The following PRH1 variants were observed in gnomAD, a reference collection of about 807,000 sequenced individuals.
PRH1 encodes salivary acidic proline-rich phosphoprotein 1/2.
A neutral mutation model predicts 7.9 loss-of-function variants in PRH1; 7 were observed. That is an observed-to-expected ratio of 0.89 (90% CI 0.50 to 1.67). The LOEUF is 1.67. Among genes scored for constraint, PRH1 ranks in the 40% most tolerant of loss-of-function variants. The pLI, the probability that PRH1 is intolerant of heterozygous loss-of-function variation, is 0.00. For synonymous variants in PRH1, 45 were observed against 80.8 expected, an observed-to-expected ratio of 0.56 and a Z score of 2.38; for missense variants, 109 against 223.6, an observed-to-expected ratio of 0.49 and a Z score of 3.27.
At chr12:11,152,069 T>C (rs994407851) in intron 1 of PRH1, among the ~76,000 whole-genome samples, 1 of 151,960 alleles carries the variant, frequency 6.6e-6, no homozygotes, top group Non-Finnish European at 1.5e-5. Context: ...TCTTTTTCCA[T>C]TTTCTTTCTT....
upstream of PRH1, among the ~76,000 whole-genome samples, chr12:11,047,713 A>C: frequency 6.9e-6 from 1 of 144,930 alleles, no homozygotes; most frequent in Non-Finnish European, 1.5e-5. Context: ...ATACACATAC[A>C]AAATTTACTC....
At chr12:11,156,551 G>T (rs1947253995) in intron 1 of PRH1, among the ~76,000 whole-genome samples, 3 of 151,956 alleles carry the variant, frequency 2.0e-5, no homozygotes, top group Admixed American at 2.0e-4. Flanking sequence ...GTCTAATTAT[G>T]CTTCACTCTG....
At chr12:10,948,486 A>C (rs1420929231) in intron 2 of PRH1, among the ~76,000 whole-genome samples, 2 of 152,024 alleles carry the variant, frequency 1.3e-5, no homozygotes, top group Non-Finnish European at 2.9e-5. Flanking sequence ...AGACCCATTA[A>C]ATTCTTTCTA....
intron 1 of PRH1, among the ~76,000 whole-genome samples, chr12:11,160,912 G>C (rs1284679555): frequency 6.6e-6 from 1 of 152,124 alleles, no homozygotes; most frequent in Non-Finnish European, 1.5e-5. Flanking sequence ...TTTCACATTT[G>C]TATGGCTATT....
chr12:11,133,231 A>C (rs1946425636), intron 1 of PRH1: 1 of 1,539,540 alleles, frequency 6.5e-7, no homozygotes, highest in Non-Finnish European at 8.7e-7. Flanking sequence ...CATATATTAC[A>C]GAAAACCCAG....
chr12:11,036,491 C>T (rs1226449743), intron 1 of PRH1, among the ~76,000 whole-genome samples: 1 of 152,190 alleles, frequency 6.6e-6, no homozygotes, highest in Non-Finnish European at 1.5e-5. Flanking sequence ...GTCCTAAAAT[C>T]CGCTCTTTAG....
At chr12:11,031,522 AAGGACAAAGCTTC>A in intron 1 of PRH1, 1 of 659,676 alleles carries the variant, frequency 1.5e-6, no homozygotes, top group East Asian at 3.0e-5. Flanking sequence ...AGAAGAGAGA[AAGGACAAAGCTTC>A]CACCGGGAGG....
chr12:11,023,916 T>A (rs1941784356), intron 1 of PRH1, among the ~76,000 whole-genome samples: 1 of 152,228 alleles, frequency 6.6e-6, no homozygotes, highest in Admixed American at 6.5e-5. Flanking sequence ...ATGTAGGTAT[T>A]CTGCTAAATC....
intron 1 of PRH1, among the ~76,000 whole-genome samples, chr12:11,040,649 T>C (rs539241318): frequency 2.0e-5 from 3 of 152,292 alleles, no homozygotes; most frequent in African/African-American, 4.8e-5. Flanking sequence ...CCATGGCACA[T>C]GTATACCTAT....
Position 10,882,576 on chromosome 12 carries a change from G to A in PRH1, c.223C>T (p.Gln75Ter), listed in dbSNP as rs1949422391. The change falls in exon 3 of 4, where the codon CAA becomes TAA. Residue 75 changes from glutamine to a stop codon, truncating the protein, a stop_gained. Coordinates refer to ENST00000543626, the MANE Select transcript of PRH1 (RefSeq NM_001393989.1). LOFTEE classifies it low-confidence loss of function (END_TRUNC). ...CCTTGTTGCTGCTGGCCTCCTTGTT[G>A]GGGTGGTCCCTGCTGAGGGCCATCA... ...QDDGPQQGPP[Q>*]QGGQQQQGPP... 6.2e-7 allele frequency: 1 copy of A among 1,604,530 alleles called. No homozygotes were observed. The highest frequency in any genetic ancestry group is 1.4e-5 in the African/African-American group (1 of 73,774).
chr12:10,987,720 T>C (rs1734059566), intron 1 of PRH1, among the ~76,000 whole-genome samples: 1 of 152,056 alleles, frequency 6.6e-6, no homozygotes, highest in South Asian at 2.1e-4. Context: ...GTATCAAACA[T>C]CAAACATATC....
intron 1 of PRH1, among the ~76,000 whole-genome samples, chr12:10,990,392 C>T (rs1378263657): frequency 6.6e-6 from 1 of 152,046 alleles, no homozygotes; most frequent in South Asian, 2.1e-4. Flanking sequence ...AAGAGCATTC[C>T]GAGAAGAAGG....
rs925249487 is a variant in PRH1, at chr12:11,162,558, G to T, written n.39+8864C>A. Among the ~76,000 whole-genome samples the T allele has an allele frequency of 5.3e-5, 8 of 152,278 alleles. No individual in the cohort carries two copies. In the South Asian group the frequency reaches 1.2e-3, roughly 24 times the overall value. On this transcript the variant is annotated intron_variant and non_coding_transcript_variant, in intron 1 of 1. Transcript: ENST00000541175. ...ATCCCCAGGAAAGGAGCATAAGTGTGTTCTATATGTGGGAAGAAGGGTACA... is the reference window on the plus strand; with the variant it reads ...ATCCCCAGGAAAGGAGCATAAGTGTTTTCTATATGTGGGAAGAAGGGTACA...
chr12:10,950,893 A>G (rs1349056066), intron 2 of PRH1, among the ~76,000 whole-genome samples: 2 of 152,102 alleles, frequency 1.3e-5, no homozygotes, highest in Non-Finnish European at 2.9e-5. Flanking sequence ...ATGTCTGAAC[A>G]AACACACATT....
rs1177621391 is a variant in PRH1 at position 11,094,048 on chromosome 12, C to A, written n.124-46860G>T. On this transcript the variant is annotated intron_variant and non_coding_transcript_variant, in intron 1 of 4. Coordinates refer to the PRH1 transcript ENST00000541977. ...AAACCTGGCTTAGAAAAATAAAATC[C>A]AGGTCCAGTGCAGGCAAGGCTGAGG... 1.8e-5 allele frequency among the ~76,000 whole-genome samples: 2 copies of A among 113,308 alleles called. 1 individual carries two copies. Among genetic ancestry groups the A allele is most frequent in the Non-Finnish European group, 4.1e-5 (2 of 48,328 alleles). The allele number at this position is 113,308 out of a possible 152,430, so 74.3% of individuals were successfully genotyped here.
rs79264600 is a variant in PRH1 at position 11,133,701 on chromosome 12, G to T, written n.40-12521C>A. ...AGAGTGAGGGGTACAAAGTTTGCTAGCATGGTTAGAGTCATATTTGAATGG... is the reference window on the plus strand; with the variant it reads ...AGAGTGAGGGGTACAAAGTTTGCTATCATGGTTAGAGTCATATTTGAATGG... On this transcript the variant is annotated intron_variant and non_coding_transcript_variant, in intron 1 of 1. Coordinates refer to the PRH1 transcript ENST00000541175. 3,867 of 1,614,214 alleles carry T rather than the reference G, an allele frequency of 2.4e-3. 3 individuals are homozygous for T. Among genetic ancestry groups the T allele is most frequent in the Admixed American group, 3.0e-3 (181 of 60,036 alleles).
chr12:11,078,260 G>GA (rs369663938), intron 1 of PRH1: 1 of 136,094 alleles, frequency 7.3e-6, no homozygotes, highest in Non-Finnish European at 1.5e-5. Context: ...CAGACAAAAA[G>GA]AAAAAAATTG....
Position 11,076,957 on chromosome 12 carries a change from T to C in PRH1, n.124-29769A>G, listed in dbSNP as rs1355058409. The C allele has an allele frequency of 6.0e-5, 7 of 115,732 alleles. 3 individuals are homozygous for C. Among genetic ancestry groups the C allele is most frequent in the Non-Finnish European group, 1.4e-4 (7 of 48,866 alleles). 7.2% of individuals were successfully genotyped at this position (115,732 alleles called of 1,614,324 possible). A position where few individuals can be genotyped will look rare whatever the true frequency, so the allele number is the denominator to read the frequency against. On this transcript the variant is annotated intron_variant and non_coding_transcript_variant, in intron 1 of 4. Transcript: ENST00000541977. ...GGTTCACCAATGATAGTTAAGTACA[T>C]ATATGTGATACAAATTGCAATGGAA...
At chr12:10,968,704 G>A (rs999786416) in intron 2 of PRH1, among the ~76,000 whole-genome samples, 2 of 152,180 alleles carry the variant, frequency 1.3e-5, no homozygotes, top group Non-Finnish European at 2.9e-5. Context: ...AAATCCACTC[G>A]CTGGGACCCA....
Sources: allele counts gnomAD v4.1 joint callset (sites outside exome capture counted in the v4.1 genomes callset), GRCh38; gene constraint gnomAD v4.1.1; transcripts MANE v1.5; gene names NCBI Gene and HGNC (gene_info 2026-07-23, HGNC 2026-07-21).